ESR2: variants seen among roughly 807,000 people sequenced by gnomAD.
ESR2 encodes estrogen receptor 2, also known as estrogen receptor beta.
In ESR2, 36 loss-of-function variants were observed where a neutral mutation model predicts 49.6. That is an observed-to-expected ratio of 0.73 (90% CI 0.56 to 0.96). ESR2 has a LOEUF of 0.96. Among genes scored for constraint, ESR2 ranks in the 40% least tolerant of loss-of-function variants. The pLI is 0.00. For missense variants in ESR2, 714 were observed against 693.0 expected (o/e 1.03, Z -0.34); for synonymous variants, 320 against 266.1 (o/e 1.20, Z -1.97).
At chr14:64,278,961 C>A (rs1221188698) in intron 3 of ESR2, among the ~76,000 whole-genome samples, 1 of 152,154 alleles carries the variant, frequency 6.6e-6, no homozygotes, top group Admixed American at 6.5e-5. Flanking sequence ...ATAGAACAGA[C>A]CCTTTAAGAC....
chr14:64,317,428 G>T (rs1169366245), intron 1 of ESR2, among the ~76,000 whole-genome samples: 1 of 152,170 alleles, frequency 6.6e-6, no homozygotes, highest in Admixed American at 6.5e-5. Flanking sequence ...AAGGTGAAGG[G>T]GGAGCCCAGC....
upstream of ESR2, among the ~76,000 whole-genome samples, chr14:64,295,924 A>G (rs549999248): frequency 6.6e-6 from 1 of 151,950 alleles, no homozygotes; most frequent in South Asian, 2.1e-4. Flanking sequence ...CATGCCAGTA[A>G]TCCCAGCTAC....
chr14:64,252,982 T>TGTA (rs1364880098), intron 6 of ESR2, among the ~76,000 whole-genome samples: 2 of 150,868 alleles, frequency 1.3e-5, no homozygotes, highest in Non-Finnish European at 3.0e-5. Context: ...CAGCCTCCCA[T>TGTA]GTAGCTGGGA....
At chr14:64,249,228 C>A (rs2075934188) in intron 7 of ESR2, among the ~76,000 whole-genome samples, 1 of 152,072 alleles carries the variant, frequency 6.6e-6, no homozygotes, top group African/African-American at 2.4e-5. Flanking sequence ...GCATGCCAAC[C>A]ATGTAAAGTG....
At chr14:64,297,264 A>G (rs79689385), upstream of ESR2, among the ~76,000 whole-genome samples, 4,725 of 152,346 alleles carry the variant, frequency 0.031, 114 homozygotes, top group Non-Finnish European at 0.044. Flanking sequence ...ATATTAACTT[A>G]CTAGCATTTA....
chr14:64,305,465 T>G (rs1483899968), intron 1 of ESR2, among the ~76,000 whole-genome samples: 1 of 151,296 alleles, frequency 6.6e-6, no homozygotes, highest in Non-Finnish European at 1.5e-5. Context: ...GGTCAGGAGA[T>G]CGAGACCATC....
intron 4 of ESR2, among the ~76,000 whole-genome samples, chr14:64,264,931 T>C (rs1176069344): frequency 6.6e-6 from 1 of 152,030 alleles, no homozygotes; most frequent in Admixed American, 6.6e-5. Context: ...ATTTCTCTTT[T>C]GTAGAGTATA....
chr14:64,253,179 G>A lies in ESR2; in HGVS notation c.1092-3500C>T, dbSNP rs564930028. Among the ~76,000 whole-genome samples, 9 of 151,552 alleles carry A rather than the reference G, an allele frequency of 5.9e-5. No individual in the cohort carries two copies. The South Asian group carries it at 1.5e-3, about 25-fold the overall frequency. Reference sequence around the variant, plus strand: ...CCAATAATCACTCTTTATAAAATAAGAATATTGCTTTTTATTTTTTATTTT... The same window carrying A: ...CCAATAATCACTCTTTATAAAATAAAAATATTGCTTTTTATTTTTTATTTT... On this transcript the variant is annotated intron_variant, in intron 6 of 8. Coordinates refer to ENST00000341099, the MANE Select transcript of ESR2 (RefSeq NM_001437.3).
rs919378758 is a variant in ESR2, at chr14:64,229,914, C to T, written c.*3223G>A. 1.3e-4 allele frequency among the ~76,000 whole-genome samples: 20 copies of T among 152,216 alleles called. No individual in the cohort carries two copies. Among genetic ancestry groups the T allele is most frequent in the African/African-American group, 3.9e-4 (16 of 41,524 alleles). On this transcript the variant is annotated 3_prime_UTR_variant, in exon 9 of 9. Coordinates refer to ENST00000341099, the MANE Select transcript of ESR2 (RefSeq NM_001437.3). ...TGTGGCGGGGCTGGGCACAGTGGCT[C>T]ATGCCTGTAATCTCAGCACTTTGGG...
intron 3 of ESR2, among the ~76,000 whole-genome samples, chr14:64,270,145 T>G (rs912244382): frequency 9.9e-5 from 15 of 152,170 alleles, no homozygotes; most frequent in African/African-American, 3.6e-4. Flanking sequence ...AGAATTTCAG[T>G]GCGGAGAATA....
At chr14:64,289,712 T>TG (rs763844427) in intron 1 of ESR2, among the ~76,000 whole-genome samples, 91 of 90,858 alleles carry the variant, frequency 1.0e-3, no homozygotes, top group Non-Finnish European at 1.3e-3. Flanking sequence ...TTTTGACTTC[T>TG]GTCCACAGAA....
Position 64,265,644 on chromosome 14 carries a change from C to T in ESR2, c.652+3151G>A, listed in dbSNP as rs117926691. Among the ~76,000 whole-genome samples the T allele has an allele frequency of 8.4e-3, 1,286 of 152,240 alleles. 10 individuals are homozygous for T. Among genetic ancestry groups the T allele is most frequent in the Middle Eastern group, 0.02 (6 of 294 alleles). Reference sequence around the variant, plus strand: ...ATGGGGATATAGGCCAAATACATGGCTATTCAGAGGGATTTCCTGGCTCCT... The same window carrying T: ...ATGGGGATATAGGCCAAATACATGGTTATTCAGAGGGATTTCCTGGCTCCT... On this transcript the variant is annotated intron_variant, in intron 4 of 8. Transcript: ENST00000341099.
chr14:64,276,233 G>T (rs2076554909), intron 3 of ESR2, among the ~76,000 whole-genome samples: 1 of 152,052 alleles, frequency 6.6e-6, no homozygotes, highest in Admixed American at 6.6e-5. Flanking sequence ...TGTCATACAT[G>T]TAATAATAGG....
At position 64,228,792 on chromosome 14, in the gene ESR2, A is replaced by AAAACAAAC. The variant is rs527449534; in HGVS notation, c.*4337_*4344dup. 6.6e-6 allele frequency among the ~76,000 whole-genome samples: 1 copy of AAAACAAAC among 152,192 alleles called. No homozygotes were observed. The highest frequency in any genetic ancestry group is 1.5e-5 in the Non-Finnish European group (1 of 68,046). ...AAGTGAATAGGATCCTCGGAATTAA[A>AAAACAAAC]AAACAAACAAACAAACAAACAAAAA... On this transcript the variant is annotated 3_prime_UTR_variant, in exon 9 of 9. Coordinates refer to ENST00000341099, the MANE Select transcript of ESR2 (RefSeq NM_001437.3).
At chr14:64,313,615 C>T (rs1342043757) in intron 1 of ESR2, among the ~76,000 whole-genome samples, 3 of 150,860 alleles carry the variant, frequency 2.0e-5, no homozygotes, top group Non-Finnish European at 4.4e-5. Flanking sequence ...AGAGGCCAGG[C>T]GCGGTGGCTC....
intron 1 of ESR2, among the ~76,000 whole-genome samples, chr14:64,323,155 C>G (rs981364228): frequency 6.6e-6 from 1 of 152,104 alleles, no homozygotes; most frequent in Non-Finnish European, 1.5e-5. Context: ...ATTATTATTT[C>G]CTTTAAACTG....
At chr14:64,305,091 C>A (rs994564120) in intron 1 of ESR2, among the ~76,000 whole-genome samples, 1 of 151,086 alleles carries the variant, frequency 6.6e-6, no homozygotes, top group Admixed American at 6.6e-5. Flanking sequence ...GAGATCGAGA[C>A]CAACCTGGCT....
chr14:64,280,046 G>A lies in ESR2; in HGVS notation c.470C>T (p.Ser157Leu), dbSNP rs1016270637. Residue 157 changes from serine (S) to leucine (L), a missense_variant, in exon 3 of 9, where the codon TCG (serine) becomes TTG (leucine). Physicochemically the swap from Ser to Leu is moderately radical, Grantham distance 145. Transcript: ENST00000341099. ...CGACCAGACTCCATAGTGATATCCCGATGCGTAATCGCTGCAGACAGCGCA... is the reference window on the plus strand; with the variant it reads ...CGACCAGACTCCATAGTGATATCCCAATGCGTAATCGCTGCAGACAGCGCA... ...HFCAVCSDYA[S>L]GYHYGVWSCE... 3 of 1,614,028 alleles carry A rather than the reference G, an allele frequency of 1.9e-6. No homozygotes were observed. Among genetic ancestry groups the A allele is most frequent in the Non-Finnish European group, 2.5e-6 (3 of 1,179,890 alleles).
chr14:64,327,977 C>T (rs534774661), intron 1 of ESR2, among the ~76,000 whole-genome samples: 15 of 148,382 alleles, frequency 1.0e-4, no homozygotes, highest in Admixed American at 3.5e-4. Flanking sequence ...AAGGGCAAAG[C>T]GGGTGGATCT....
Sources: allele counts gnomAD v4.1 joint callset (sites outside exome capture counted in the v4.1 genomes callset), GRCh38; gene constraint gnomAD v4.1.1; transcripts MANE v1.5; gene names NCBI Gene and HGNC (gene_info 2026-07-23, HGNC 2026-07-21).